FOXN4: variants seen among roughly 807,000 people sequenced by gnomAD.
FOXN4 encodes the protein forkhead box protein N4.
A neutral mutation model predicts 45.0 loss-of-function variants in FOXN4; 12 were observed. That is an observed-to-expected ratio of 0.27 (90% confidence interval 0.17 to 0.43). The LOEUF (loss-of-function observed/expected upper bound fraction) is 0.43, where lower values mean the gene tolerates loss of function less well. Ranked by LOEUF, FOXN4 falls within the 20% of genes least tolerant of loss-of-function variation. The pLI is 1.00. For synonymous variants in FOXN4, 297 were observed against 295.0 expected (o/e 1.01, Z -0.07); for missense variants, 560 against 694.9 (o/e 0.81, Z 2.18).
intron 2 of FOXN4, among the ~76,000 whole-genome samples, chr12:109,303,667 A>C (rs766021255): frequency 3.9e-5 from 6 of 152,128 alleles, no homozygotes; most frequent in African/African-American, 7.2e-5. Context: ...GCCCTGGGAG[A>C]AGGTGAGGGT....
Position 109,281,928 on chromosome 12 carries a change from C to G in FOXN4, c.902-129G>C, listed in dbSNP as rs367830663. On this transcript the variant is annotated intron_variant, in intron 8 of 9. Transcript: ENST00000299162. Reference sequence around the variant, plus strand: ...CAAGCCTCTTGGACACTCAGAACCTCTGTCTCCTCACCTATGAAATGACAC... The same window carrying G: ...CAAGCCTCTTGGACACTCAGAACCTGTGTCTCCTCACCTATGAAATGACAC... 36 of 1,065,678 alleles carry G rather than the reference C, an allele frequency of 3.4e-5. No individual in the cohort carries two copies. The South Asian group carries it at 3.9e-4, about 12-fold the overall frequency. The allele number at this position is 1,065,678 out of a possible 1,614,324, so 66.0% of individuals were successfully genotyped here.
intron 2 of FOXN4, among the ~76,000 whole-genome samples, chr12:109,304,437 T>C (rs902174141): frequency 6.6e-6 from 1 of 152,132 alleles, no homozygotes; most frequent in African/African-American, 2.4e-5. Flanking sequence ...AGGGTGGACT[T>C]TCCTCCCACC....
rs2047701105 is a variant in FOXN4, at chr12:109,285,499, C to T, written c.706G>A (p.Gly236Arg). The change falls in exon 8 of 10, where the codon GGG becomes AGG. Residue 236 changes from glycine to arginine, a missense_variant. Gly to Arg is a moderately radical substitution (Grantham distance 125). This residue lies in a region of FOXN4 where 39 missense variants were observed against 81.7 expected (regional missense o/e 0.48). Coordinates refer to ENST00000299162, the MANE Select transcript of FOXN4 (RefSeq NM_213596.3). Reference protein sequence around the residue: ...HFPYFKTAPDGWKNSVRHNLS... With the variant: ...HFPYFKTAPDRWKNSVRHNLS... ...TTGTGCCGCACCGAGTTCTTCCACC[C>T]GTCGGGGGCCGTCTATGAAGACACA... 1.2e-6 allele frequency: 2 copies of T among 1,613,894 alleles called. No individual in the cohort carries two copies. The highest frequency in any genetic ancestry group is 2.2e-5 in the East Asian group (1 of 44,886).
In FOXN4 at chr12:109,283,675, C is replaced by G. The variant is rs559681018; in HGVS notation, c.901+1629G>C. Among the ~76,000 whole-genome samples the G allele has an allele frequency of 2.0e-5, 3 of 152,222 alleles. No homozygotes were observed. The East Asian group carries it at 5.8e-4, about 29-fold the overall frequency. ...ATTTTTAGTAGAGATGGGGTTTCAC[C>G]ATGTTGGCCAGGCTGGTCTTGAACT... On this transcript the variant is annotated intron_variant, in intron 8 of 9. Coordinates refer to ENST00000299162, the MANE Select transcript of FOXN4 (RefSeq NM_213596.3).
intron 3 of FOXN4, among the ~76,000 whole-genome samples, chr12:109,289,857 C>T (rs2047749367): frequency 6.6e-6 from 1 of 152,214 alleles, no homozygotes; most frequent in Non-Finnish European, 1.5e-5. Flanking sequence ...GGCCCACGGG[C>T]TGTAGTTTGC....
At chr12:109,299,875 C>T (rs2047853927) in intron 2 of FOXN4, among the ~76,000 whole-genome samples, 1 of 152,216 alleles carries the variant, frequency 6.6e-6, no homozygotes, top group Non-Finnish European at 1.5e-5. Flanking sequence ...AGCGGGGCAG[C>T]CCAGCCCCGG....
At chr12:109,308,399 C>T (rs192655465) in intron 1 of FOXN4, 75 bp from the exon 2 acceptor site, 3 of 996,802 alleles carry the variant, frequency 3.0e-6, no homozygotes, top group South Asian at 1.8e-5. Flanking sequence ...ACAGTTTTCC[C>T]GCAATTCAGA....
chr12:109,293,060 G>A (rs906319931), intron 2 of FOXN4, among the ~76,000 whole-genome samples: 26 of 152,090 alleles, frequency 1.7e-4, no homozygotes, highest in Admixed American at 1.4e-3. Flanking sequence ...TGCATTTGCC[G>A]TTCCCCTTGC....
intron 2 of FOXN4, among the ~76,000 whole-genome samples, chr12:109,301,377 C>T (rs2047867675): frequency 6.6e-6 from 1 of 152,168 alleles, no homozygotes; most frequent in Admixed American, 6.5e-5. Flanking sequence ...CCAAAGTGAC[C>T]TCTTACAAGG....
At chr12:109,305,949 C>T (rs1479207137) in intron 2 of FOXN4, among the ~76,000 whole-genome samples, 1 of 152,098 alleles carries the variant, frequency 6.6e-6, no homozygotes, top group Non-Finnish European at 1.5e-5. Context: ...AAGAAGTTCT[C>T]TGCTTGCCCC....
rs977472335 is a variant in FOXN4, at chr12:109,291,372, T to C, written c.87-1086A>G. On this transcript the variant is annotated intron_variant, in intron 2 of 9. Coordinates refer to ENST00000299162, the MANE Select transcript of FOXN4 (RefSeq NM_213596.3). The surrounding 1 kb of genome is among the most constrained non-coding windows in gnomAD (Gnocchi z 6.6). ...ATCTGCCACCCCTGTAGCCAGGGGC[T>C]TTCTGTGTCACCACCAAGAGGCCCA... Among the ~76,000 whole-genome samples the C allele has an allele frequency of 1.3e-5, 2 of 151,970 alleles. No individual in the cohort carries two copies. Among genetic ancestry groups the C allele is most frequent in the Non-Finnish European group, 2.9e-5 (2 of 68,000 alleles).
At chr12:109,285,549 A>G in intron 7 of FOXN4, 38 bp from the exon 8 acceptor site, 1 of 1,609,704 alleles carries the variant, frequency 6.2e-7, no homozygotes, top group Non-Finnish European at 8.5e-7. Flanking sequence ...CCTCCCTGTA[A>G]GCCCTTCCCC....
intron 2 of FOXN4, among the ~76,000 whole-genome samples, chr12:109,292,900 A>G (rs2047782517): frequency 6.6e-6 from 1 of 152,134 alleles, no homozygotes; most frequent in Admixed American, 6.5e-5. Flanking sequence ...GGCTGAGCAC[A>G]AGGCTGAGCA....
At chr12:109,280,067 G>A in intron 9 of FOXN4, 137 bp from the exon 10 acceptor site, 2 of 1,250,300 alleles carry the variant, frequency 1.6e-6, no homozygotes, top group East Asian at 2.5e-5. Context: ...ATGGGGCCGG[G>A]CCTGGTGGCT....
intron 7 of FOXN4, among the ~76,000 whole-genome samples, chr12:109,285,732 T>C (rs1489092870): frequency 6.6e-6 from 1 of 152,220 alleles, no homozygotes; most frequent in Non-Finnish European, 1.5e-5. Context: ...AGTTCAGCTC[T>C]GGCCAACTGT....
intron 7 of FOXN4, 55 bp from the exon 8 acceptor site, chr12:109,285,566 C>T (rs1323334948): frequency 8.2e-6 from 13 of 1,581,660 alleles, no homozygotes; most frequent in South Asian, 7.7e-5. Flanking sequence ...CCCCCTACCC[C>T]GGGGATCTCC....
In FOXN4 at chr12:109,285,276, C is replaced by CGT. The variant is rs1565998536; in HGVS notation, c.901+27_901+28insAC. On this transcript the variant is annotated intron_variant, in intron 8 of 9. Transcript: ENST00000299162. ...GTGTGTGTGTGTGTGTGTGTGTGTG[C>CGT]GCGCACTGCGGGCTGTCCGGCCCTC... 4 of 1,200,734 alleles carry CGT rather than the reference C, an allele frequency of 3.3e-6. No homozygotes were observed. The South Asian group carries it at 5.2e-5, about 16-fold the overall frequency. 74.4% of individuals were successfully genotyped at this position (1,200,734 alleles called of 1,614,324 possible). A position where few individuals can be genotyped will look rare whatever the true frequency, so the allele number is the denominator to read the frequency against.
In FOXN4 at chr12:109,288,649, C is replaced by A. The variant is rs919178938; in HGVS notation, c.233-469G>T. Among the ~76,000 whole-genome samples, 1 of 152,214 alleles carries A rather than the reference C, an allele frequency of 6.6e-6. No homozygotes were observed. The highest frequency in any genetic ancestry group is 1.5e-5 in the Non-Finnish European group (1 of 68,042). ...TCCAAAGTACCTTTGTGCCTCCTCT[C>A]CCCTTTGCCAAGCCCTGCTGCTCCA... On this transcript the variant is annotated intron_variant, in intron 3 of 9. Transcript: ENST00000299162. The surrounding 1 kb of genome is among the most constrained non-coding windows in gnomAD (Gnocchi z 4.3).
chr12:109,307,838 C>A (rs1301255472), intron 2 of FOXN4, among the ~76,000 whole-genome samples: 5 of 152,182 alleles, frequency 3.3e-5, no homozygotes, highest in African/African-American at 1.2e-4. Flanking sequence ...TTCTTAACAT[C>A]TGTGGAGGAT....
Sources: gnomAD v4.1 joint callset for allele counts (sites outside exome capture counted in the v4.1 genomes callset) on GRCh38, gnomAD v4.1.1 for gene constraint, gnomAD v4.1.1 regional missense constraint, Gnocchi (gnomAD v3.1) non-coding constraint, MANE v1.5 for transcripts, NCBI Gene and HGNC (gene_info 2026-07-23, HGNC 2026-07-21) for gene names.